Variants in ARHGAP10 observed in about 807,000 individuals in gnomAD.
ARHGAP10 encodes Rho GTPase activating protein 10, also known as rho GTPase-activating protein 10.
Under a neutral mutation model 108.6 loss-of-function variants are expected in ARHGAP10, and 87 were observed. The observed-to-expected ratio is 0.80, with a 90% CI of 0.67 to 0.96. ARHGAP10 has a LOEUF of 0.96. Among genes scored for constraint, ARHGAP10 ranks in the 40% least tolerant of loss-of-function variants. The pLI is 0.00. For synonymous variants in ARHGAP10, 347 were observed against 341.1 expected (o/e 1.02, Z -0.19); for missense variants, 939 against 954.5 (o/e 0.98, Z 0.21).
At chr4:147,874,464 T>C (rs940942412) in intron 7 of ARHGAP10, among the ~76,000 whole-genome samples, 16 of 152,140 alleles carry the variant, frequency 1.1e-4, no homozygotes, top group Non-Finnish European at 5.9e-5. Context: ...AGATTTTTTT[T>C]CCCCCTTCTG....
intron 13 of ARHGAP10, among the ~76,000 whole-genome samples, chr4:147,931,932 C>T (rs1001836759): frequency 6.6e-6 from 1 of 152,028 alleles, no homozygotes; most frequent in Non-Finnish European, 1.5e-5. Flanking sequence ...ATCCATCTGA[C>T]AAAGGTGTAA....
intron 16 of ARHGAP10, among the ~76,000 whole-genome samples, chr4:147,959,523 C>T (rs10025180): frequency 0.22 from 33,294 of 151,928 alleles, 6,975 homozygotes; most frequent in African/African-American, 0.55. Context: ...CCCGCTCCCC[C>T]CACCCCACGA....
chr4:147,741,767 T>TACACACACACACAC (rs369661175), intron 1 of ARHGAP10, among the ~76,000 whole-genome samples: 2 of 134,566 alleles, frequency 1.5e-5, no homozygotes, highest in African/African-American at 5.6e-5. Flanking sequence ...TCGTTCTCTT[T>TACACACACACACAC]ACACACACAC....
Position 147,931,700 on chromosome 4 carries a change from G to A in ARHGAP10, c.1229-8125G>A, listed in dbSNP as rs140928613. 7.6e-4 allele frequency among the ~76,000 whole-genome samples: 115 copies of A among 152,282 alleles called. No individual in the cohort carries two copies. In the Middle Eastern group the frequency reaches 0.01, roughly 14 times the overall value. On this transcript the variant is annotated intron_variant, in intron 13 of 22. Transcript: ENST00000336498. ...CTTCATCTGAAAATTCCAAGGCTAG[G>A]TGTGTTTTGGAATTCAGACCTTTTT...
chr4:147,961,400 C>T (rs979365139), intron 16 of ARHGAP10, among the ~76,000 whole-genome samples: 3 of 151,890 alleles, frequency 2.0e-5, no homozygotes, highest in Non-Finnish European at 4.4e-5. Flanking sequence ...CTCTTTTTTC[C>T]CTGATTGGTT....
chr4:147,879,003 C>T (rs1285881365), intron 8 of ARHGAP10, among the ~76,000 whole-genome samples: 1 of 151,950 alleles, frequency 6.6e-6, no homozygotes, highest in African/African-American at 2.4e-5. Flanking sequence ...ATTTCCTGAC[C>T]TTGTGATCCA....
intron 1 of ARHGAP10, among the ~76,000 whole-genome samples, chr4:147,774,583 G>A (rs1474635342): frequency 6.6e-6 from 1 of 152,092 alleles, no homozygotes; most frequent in East Asian, 1.9e-4. Flanking sequence ...AACCTTTAGG[G>A]CTCAGCCTCT....
intron 19 of ARHGAP10, among the ~76,000 whole-genome samples, chr4:148,042,918 C>T (rs1263526078): frequency 1.3e-5 from 2 of 152,018 alleles, no homozygotes; most frequent in African/African-American, 4.8e-5. Context: ...TTTTTCCCTC[C>T]TCAATTTGTA....
Position 148,004,779 on chromosome 4 carries a change from A to G in ARHGAP10, c.1717-18484A>G, listed in dbSNP as rs1366144584. 1.3e-5 allele frequency among the ~76,000 whole-genome samples: 2 copies of G among 152,216 alleles called. 1 individual carries two copies. Among genetic ancestry groups the G allele is most frequent in the Non-Finnish European group, 2.9e-5 (2 of 68,036 alleles). Reference sequence around the variant, plus strand: ...ATACAGCTTGGCTGACACCTTGATTATAGCTTTGTGGGCTGAGGACCTCCA... The same window carrying G: ...ATACAGCTTGGCTGACACCTTGATTGTAGCTTTGTGGGCTGAGGACCTCCA... On this transcript the variant is annotated intron_variant, in intron 18 of 22. Coordinates refer to ENST00000336498, the MANE Select transcript of ARHGAP10 (RefSeq NM_024605.4).
intron 1 of ARHGAP10, among the ~76,000 whole-genome samples, chr4:147,812,220 G>A (rs1015717433): frequency 2.0e-5 from 3 of 152,098 alleles, no homozygotes; most frequent in Non-Finnish European, 2.9e-5. Context: ...AAAAGGCTGC[G>A]TAGGAAGTGG....
At chr4:148,045,245 A>G (rs1019147934) in intron 19 of ARHGAP10, among the ~76,000 whole-genome samples, 2 of 152,008 alleles carry the variant, frequency 1.3e-5, no homozygotes, top group African/African-American at 4.8e-5. Flanking sequence ...AGCCATCACC[A>G]CCATCTCTAA....
intron 12 of ARHGAP10, among the ~76,000 whole-genome samples, chr4:147,911,487 C>T (rs930945706): frequency 7.9e-5 from 12 of 152,260 alleles, no homozygotes; most frequent in East Asian, 5.8e-4. Flanking sequence ...CTCAACCTCC[C>T]GAGTAACTGG....
At chr4:147,759,996 C>T (rs551258081) in intron 1 of ARHGAP10, among the ~76,000 whole-genome samples, 64 of 152,210 alleles carry the variant, frequency 4.2e-4, no homozygotes, top group Non-Finnish European at 8.8e-4. Flanking sequence ...GTGATCCACC[C>T]GCCTCAGCCT....
chr4:147,793,200 GTA>G (rs1350281561), intron 1 of ARHGAP10, among the ~76,000 whole-genome samples: 1 of 151,452 alleles, frequency 6.6e-6, no homozygotes, highest in East Asian at 1.9e-4. Flanking sequence ...GTGTGTGTGT[GTA>G]TATGTGTGTA....
intron 13 of ARHGAP10, among the ~76,000 whole-genome samples, chr4:147,927,237 G>A (rs113315519): frequency 3.7e-4 from 56 of 152,204 alleles, no homozygotes; most frequent in African/African-American, 1.3e-3. Context: ...AAGTTGGGAG[G>A]GAAGATTTAA....
intron 18 of ARHGAP10, among the ~76,000 whole-genome samples, chr4:148,004,961 A>G (rs988246345): frequency 3.3e-5 from 5 of 152,220 alleles, no homozygotes; most frequent in Admixed American, 6.5e-5. Flanking sequence ...TTGCACAGCA[A>G]TAGAAAACTA....
intron 18 of ARHGAP10, among the ~76,000 whole-genome samples, chr4:147,985,066 G>A (rs1002095091): frequency 3.9e-5 from 6 of 152,164 alleles, no homozygotes; most frequent in Admixed American, 3.3e-4. Context: ...TGAGGCAGTG[G>A]AGCTGCCTAA....
rs544764776 is a variant in ARHGAP10 at position 147,780,978 on chromosome 4, A to G, written c.155-41749A>G. On this transcript the variant is annotated intron_variant, in intron 1 of 22. Coordinates refer to ENST00000336498, the MANE Select transcript of ARHGAP10 (RefSeq NM_024605.4). ...GAGAGAAGACGCTCCAGAGAATGAG[A>G]GAAGACGCAAGGGCTCAGATTTGCA... Among the ~76,000 whole-genome samples, 11 of 152,256 alleles carry G rather than the reference A, an allele frequency of 7.2e-5. No homozygotes were observed. In the East Asian group the frequency reaches 2.1e-3, roughly 29 times the overall value.
chr4:147,938,989 T>C (rs1427274153), intron 13 of ARHGAP10, among the ~76,000 whole-genome samples: 1 of 152,262 alleles, frequency 6.6e-6, no homozygotes, highest in East Asian at 1.9e-4. Context: ...AGTTGTTTCA[T>C]CTATCCCTTT....
Sources: gnomAD v4.1 joint callset for allele counts (sites outside exome capture counted in the v4.1 genomes callset) on GRCh38, gnomAD v4.1.1 for gene constraint, MANE v1.5 for transcripts, NCBI Gene and HGNC (gene_info 2026-07-23, HGNC 2026-07-21) for gene names.